The following SYT17 variants were observed in gnomAD, a reference collection of about 807,000 sequenced individuals.
The protein encoded by SYT17 is synaptotagmin 17.
Under a neutral mutation model 46.7 loss-of-function variants are expected in SYT17, and 22 were observed. The ratio of observed to expected loss-of-function variants is 0.47; its 90% confidence interval spans 0.34 to 0.67. SYT17 has a LOEUF of 0.67. Ranked by LOEUF, SYT17 falls within the 30% of genes least tolerant of loss-of-function variation. The pLI is 0.01. For missense variants in SYT17, 519 were observed against 612.8 expected, an observed-to-expected ratio of 0.85 and a Z score of 1.62; for synonymous variants, 251 against 248.4, an observed-to-expected ratio of 1.01 and a Z score of -0.10.
At chr16:19,217,164 T>C (rs970674824) in intron 5 of SYT17, among the ~76,000 whole-genome samples, 1 of 152,192 alleles carries the variant, frequency 6.6e-6, no homozygotes, top group Non-Finnish European at 1.5e-5. Context: ...TGTTTGCAAT[T>C]ATTTCTTAAT....
intron 7 of SYT17, among the ~76,000 whole-genome samples, chr16:19,246,030 G>A (rs1967531693): frequency 6.7e-6 from 1 of 150,320 alleles, no homozygotes; most frequent in Admixed American, 6.6e-5. Context: ...TTTTGAGACA[G>A]AGTCTCACTC....
intron 5 of SYT17, among the ~76,000 whole-genome samples, chr16:19,201,815 G>A (rs751414651): frequency 9.2e-5 from 14 of 152,094 alleles, no homozygotes; most frequent in Admixed American, 2.0e-4. Flanking sequence ...TCATTCAACA[G>A]ATACTTACTG....
chr16:19,184,434 G>A (rs1029020968), intron 5 of SYT17, among the ~76,000 whole-genome samples: 1 of 150,884 alleles, frequency 6.6e-6, no homozygotes, highest in Non-Finnish European at 1.5e-5. Flanking sequence ...CACCCAGGCT[G>A]GAGCGCCGTG....
intron 7 of SYT17, among the ~76,000 whole-genome samples, chr16:19,233,191 T>A (rs1042683240): frequency 1.3e-5 from 2 of 152,158 alleles, no homozygotes; most frequent in African/African-American, 4.8e-5. Context: ...GTTCCATAAT[T>A]GCTTGGCTTT....
intron 5 of SYT17, among the ~76,000 whole-genome samples, chr16:19,203,238 C>T (rs1965533686): frequency 6.6e-6 from 1 of 152,028 alleles, no homozygotes; most frequent in African/African-American, 2.4e-5. Flanking sequence ...CGCCTGTAAT[C>T]CCAGCAGTTT....
upstream of SYT17, chr16:19,168,184 G>T (rs995290928): frequency 1.6e-4 from 31 of 191,124 alleles, no homozygotes; most frequent in Non-Finnish European, 1.8e-4. This position sits in a 1 kb window ranked among gnomAD's most constrained non-coding sequence, Gnocchi z 6.9. Flanking sequence ...GGGCTGACCT[G>T]TGTACCGCCC....
At chr16:19,192,777 A>G (rs547669935) in intron 5 of SYT17, among the ~76,000 whole-genome samples, 2 of 152,282 alleles carry the variant, frequency 1.3e-5, no homozygotes, top group South Asian at 2.1e-4. Flanking sequence ...AAGGAATATC[A>G]AACAGTGCGG....
chr16:19,209,855 G>T (rs994200581), intron 5 of SYT17, among the ~76,000 whole-genome samples: 1 of 151,262 alleles, frequency 6.6e-6, no homozygotes. Context: ...TCCAGCCTGG[G>T]AGACAGAGCA....
chr16:19,175,707 A>G (rs1455122314), intron 3 of SYT17, among the ~76,000 whole-genome samples: 3 of 151,200 alleles, frequency 2.0e-5, no homozygotes, highest in East Asian at 3.9e-4. Flanking sequence ...AGTTCAGTCC[A>G]TCTGATGTCC....
intron 7 of SYT17, among the ~76,000 whole-genome samples, chr16:19,242,693 T>C (rs568095061): frequency 6.6e-6 from 1 of 152,092 alleles, no homozygotes; most frequent in African/African-American, 2.4e-5. Flanking sequence ...GCCTGGCTAA[T>C]TTTTGTACTT....
At chr16:19,202,965 A>G (rs999279070) in intron 5 of SYT17, among the ~76,000 whole-genome samples, 22 of 152,030 alleles carry the variant, frequency 1.4e-4, no homozygotes, top group Non-Finnish European at 2.6e-4. Context: ...CTATCCCTCC[A>G]CCTCGACCTC....
intron 7 of SYT17, among the ~76,000 whole-genome samples, chr16:19,230,174 G>A (rs926109846): frequency 2.2e-4 from 33 of 152,074 alleles, no homozygotes; most frequent in Non-Finnish European, 3.8e-4. Context: ...TTGGGAGGCC[G>A]AAGTGGGTGG....
intron 7 of SYT17, among the ~76,000 whole-genome samples, chr16:19,240,278 C>T (rs1325959161): frequency 6.6e-6 from 1 of 152,190 alleles, no homozygotes; most frequent in Non-Finnish European, 1.5e-5. Flanking sequence ...GGTACGCAGA[C>T]AAGTGGAGGG....
chr16:19,205,627 AG>A (rs1392549400), intron 5 of SYT17, among the ~76,000 whole-genome samples: 1 of 151,796 alleles, frequency 6.6e-6, no homozygotes, highest in Non-Finnish European at 1.5e-5. Context: ...TTTGGTATAA[AG>A]ATACAAAGAT....
At chr16:19,248,838 A>G (rs1285723150) in intron 7 of SYT17, among the ~76,000 whole-genome samples, 2 of 151,992 alleles carry the variant, frequency 1.3e-5, no homozygotes, top group Non-Finnish European at 2.9e-5. Flanking sequence ...AACAACAACA[A>G]AAAGAATATT....
chr16:19,260,261 G>A (rs980328660), intron 7 of SYT17, among the ~76,000 whole-genome samples: 4 of 150,040 alleles, frequency 2.7e-5, no homozygotes, highest in African/African-American at 7.4e-5. Flanking sequence ...AGGCCAAGGC[G>A]GGAAGATCAC....
In SYT17 at chr16:19,216,430, C is replaced by T. The variant is rs149042860; in HGVS notation, c.952-6615C>T. Among the ~76,000 whole-genome samples the T allele has an allele frequency of 6.6e-3, 993 of 150,498 alleles. 15 individuals carry two copies. The highest frequency in any genetic ancestry group is 0.023 in the African/African-American group (921 of 40,816). On this transcript the variant is annotated intron_variant, in intron 5 of 7. Coordinates refer to ENST00000355377, the MANE Select transcript of SYT17 (RefSeq NM_016524.4). ...TAAGTTCTGGGGTACCTGTGCAGAA[C>T]GTGCAGGTTTGTTACATAGGTATAC... is the stretch of plus-strand genomic sequence containing the variant.
At chr16:19,219,905 A>G (rs1966244460) in intron 5 of SYT17, among the ~76,000 whole-genome samples, 3 of 152,066 alleles carry the variant, frequency 2.0e-5, no homozygotes, top group Admixed American at 2.0e-4. Context: ...TATCACTGTG[A>G]CTTATAAACC....
chr16:19,178,762 G>A (rs1015018345), intron 3 of SYT17, among the ~76,000 whole-genome samples: 3 of 152,166 alleles, frequency 2.0e-5, no homozygotes, highest in African/African-American at 7.2e-5. Flanking sequence ...CAGCCATTAT[G>A]GCTTAGGGGC....
Sources: allele counts gnomAD v4.1 joint callset (sites outside exome capture counted in the v4.1 genomes callset), GRCh38; gene constraint gnomAD v4.1.1; non-coding constraint Gnocchi (gnomAD v3.1); transcripts MANE v1.5; gene names NCBI Gene and HGNC (gene_info 2026-07-23, HGNC 2026-07-21).